JADE2: variants seen among roughly 807,000 people sequenced by gnomAD.
JADE2 encodes E3 ubiquitin-protein ligase Jade-2.
A neutral mutation model predicts 85.7 loss-of-function variants in JADE2; 13 were observed. The ratio of observed to expected loss-of-function variants is 0.15; its 90% CI spans 0.10 to 0.24. JADE2 has a LOEUF of 0.24. Ranked by LOEUF, JADE2 falls within the 10% of genes least tolerant of loss-of-function variation. The pLI is 1.00. For synonymous variants in JADE2, 440 were observed against 456.1 expected, an observed-to-expected ratio of 0.96 and a Z score of 0.45; for missense variants, 846 against 1,115.9, an observed-to-expected ratio of 0.76 and a Z score of 3.45.
chr5:134,532,330 G>A (rs1761297706), intron 1 of JADE2, among the ~76,000 whole-genome samples: 1 of 152,258 alleles, frequency 6.6e-6, no homozygotes, highest in Admixed American at 6.5e-5. Flanking sequence ...GGAAGAAAGT[G>A]GGTGTGTTCT....
rs763319586 is a variant in JADE2 at position 134,564,540 on chromosome 5, C to T, written c.899C>T (p.Ser300Leu). Residue 300 changes from serine to leucine, a missense_variant, in exon 8 of 12, where the codon TCG becomes TTG. Transcript: ENST00000681547. ...AAGATGGAGCCCATCACCAAGATCTCGCATATCCCAGCCAGCCGCTGGGCT... is the reference window on the plus strand; with the variant it reads ...AAGATGGAGCCCATCACCAAGATCTTGCATATCCCAGCCAGCCGCTGGGCT... ...PEKMEPITKI[S>L]HIPASRWALS... The T allele has an allele frequency of 6.3e-7, 1 of 1,584,262 alleles. No individual in the cohort carries two copies. Among genetic ancestry groups the T allele is most frequent in the Non-Finnish European group, 8.6e-7 (1 of 1,165,340 alleles).
chr5:134,565,989 A>T, intron 8 of JADE2, 127 bp from the exon 9 acceptor site: 2 of 794,576 alleles, frequency 2.5e-6, no homozygotes, highest in Non-Finnish European at 2.0e-6. Context: ...TTGGGAGCCC[A>T]TGCCATTCTG....
At chr5:134,553,640 C>T (rs1010278169) in intron 4 of JADE2, among the ~76,000 whole-genome samples, 2 of 152,264 alleles carry the variant, frequency 1.3e-5, no homozygotes, top group Non-Finnish European at 2.9e-5. Flanking sequence ...GCGTGAGCCA[C>T]TGCGCCCGGC....
Position 134,559,957 on chromosome 5 carries a change from C to A in JADE2, c.439C>A (p.Leu147Met), listed in dbSNP as rs114147622. ...YDLDEIDAYWLELINSELKEM... is the reference protein window; with the variant it reads ...YDLDEIDAYWMELINSELKEM... Reference sequence around the variant, plus strand: ...CTTGGACGAGATTGATGCCTACTGGCTGGAGCTCATCAACTCGGAGCTTAA... The same window carrying A: ...CTTGGACGAGATTGATGCCTACTGGATGGAGCTCATCAACTCGGAGCTTAA... The change falls in exon 5 of 12, where the codon CTG becomes ATG. Residue 147 changes from leucine (L) to methionine (M), a missense_variant. Leu to Met is a conservative substitution (Grantham distance 15, BLOSUM62 2). This residue lies in a region of JADE2 where 78 missense variants were observed against 64.9 expected (regional missense o/e 1.20). Coordinates refer to ENST00000681547, the MANE Select transcript of JADE2 (RefSeq NM_001388185.1). 6.2e-7 allele frequency: 1 copy of A among 1,614,144 alleles called. No individual in the cohort carries two copies. Among genetic ancestry groups the A allele is most frequent in the African/African-American group, 1.3e-5 (1 of 75,066 alleles).
At chr5:134,548,749 C>T (rs1337328173) in intron 3 of JADE2, among the ~76,000 whole-genome samples, 1 of 152,102 alleles carries the variant, frequency 6.6e-6, no homozygotes, top group Non-Finnish European at 1.5e-5. Flanking sequence ...GGGTCTGGAC[C>T]ACATCTTACC....
chr5:134,525,863 C>G lies in JADE2; in HGVS notation c.-149C>G. 1.0e-6 allele frequency: 1 copy of G among 989,346 alleles called. No individual in the cohort carries two copies. The allele number at this position is 989,346 out of a possible 1,614,324, so 61.3% of individuals were successfully genotyped here. A position where few individuals can be genotyped will look rare whatever the true frequency, so the allele number is the denominator to read the frequency against. ...GGGACGCCGCGGGCCCGGCCGCCTC[C>G]CTCGCCGCGACCCCGGATGGATGCG... On this transcript the variant is annotated 5_prime_UTR_variant, in exon 1 of 12. Transcript: ENST00000681547.
Position 134,562,484 on chromosome 5 carries a change from T to G in JADE2, c.852+117T>G, listed in dbSNP as rs937101448. 6.4e-6 allele frequency: 7 copies of G among 1,101,252 alleles called. No homozygotes were observed. In the Admixed American group the frequency reaches 8.0e-5, roughly 13 times the overall value. The allele number at this position is 1,101,252 out of a possible 1,614,324, so 68.2% of individuals were successfully genotyped here. The stretch of plus-strand genomic sequence containing the variant: ...AGGTGATGGACTCGCACTAAAACAC[T>G]GAGATCGGCCGGGCGCGGTGGCTCA... On this transcript the variant is annotated intron_variant, in intron 7 of 11. Coordinates refer to ENST00000681547, the MANE Select transcript of JADE2 (RefSeq NM_001388185.1). The surrounding 1 kb of genome is among the most constrained non-coding windows in gnomAD (Gnocchi z 4.6).
In JADE2 at chr5:134,562,219, A is replaced by G. The variant is rs1016855153; in HGVS notation, c.704A>G (p.Lys235Arg). The G allele has an allele frequency of 2.5e-6, 4 of 1,612,758 alleles. No homozygotes were observed. The highest frequency in any genetic ancestry group is 1.3e-5 in the African/African-American group (1 of 75,022). ...TCCTAGGCATGCTACGGGATCCTCA[A>G]GGTGCCCACGGGCAGCTGGCTGTGC... ...CVHQACYGIL[K>R]VPTGSWLCRT... is the part of the protein sequence containing the mutation. The change falls in exon 7 of 12, where the codon AAG (lysine) becomes AGG (arginine). Residue 235 changes from lysine to arginine, a missense_variant. By Grantham distance (26) the Lys-to-Arg change is conservative (BLOSUM62 2). This residue lies in a region of JADE2 where 129 missense variants were observed against 255.4 expected (regional missense o/e 0.51). Transcript: ENST00000681547. This position sits in a 1 kb window ranked among gnomAD's most constrained non-coding sequence, Gnocchi z 4.6.
At chr5:134,526,432 G>C in intron 1 of JADE2, 3 of 985,378 alleles carry the variant, frequency 3.0e-6, no homozygotes, top group Non-Finnish European at 3.6e-6. Flanking sequence ...AGATGGGTAC[G>C]GTGGGGAGGT....
Position 134,559,847 on chromosome 5 carries a change from A to T in JADE2, c.329A>T (p.Glu110Val). The change falls in exon 5 of 12, where the codon GAA becomes GTA. Residue 110 changes from glutamate to valine, a missense_variant. Glu to Val is a moderately radical substitution (Grantham distance 121, BLOSUM62 -2). Around this residue, in one of 9 missense-constraint regions of JADE2, gnomAD observed 78 missense variants for 64.9 expected, o/e 1.20. Transcript: ENST00000681547. ...EPVVRILPPL[E>V]GPPAQASPSS... ...TTTTCTAGGATCCTCCCACCACTGG[A>T]AGGCCCCCCTGCCCAGGCATCCCCG... 6.2e-7 allele frequency: 1 copy of T among 1,610,328 alleles called. No homozygotes were observed. The highest frequency in any genetic ancestry group is 8.5e-7 in the Non-Finnish European group (1 of 1,178,462).
intron 7 of JADE2, among the ~76,000 whole-genome samples, chr5:134,563,061 C>T (rs1294257004): frequency 2.0e-5 from 3 of 151,648 alleles, no homozygotes; most frequent in Non-Finnish European, 4.4e-5. Flanking sequence ...AGCTGACCTT[C>T]AAAGAGAATC....
intron 1 of JADE2, chr5:134,526,748 A>C (rs1178691162): frequency 1.0e-5 from 10 of 985,254 alleles, no homozygotes; most frequent in African/African-American, 1.7e-5. Context: ...GGCGGGGGAC[A>C]CCCTTTCCAG....
intron 7 of JADE2, among the ~76,000 whole-genome samples, chr5:134,563,941 A>G (rs1014726456): frequency 6.6e-6 from 1 of 152,194 alleles, no homozygotes; most frequent in Non-Finnish European, 1.5e-5. Flanking sequence ...ACTTGGGCAT[A>G]GTTGTAGGGC....
intron 1 of JADE2, among the ~76,000 whole-genome samples, chr5:134,528,925 C>T (rs1273478955): frequency 6.6e-6 from 1 of 152,136 alleles, no homozygotes; most frequent in East Asian, 1.9e-4. Flanking sequence ...TAACAGTGGT[C>T]CAAGAGGTTG....
chr5:134,539,043 T>TTTTTTTTA (rs552925543), intron 3 of JADE2, among the ~76,000 whole-genome samples: 2 of 134,378 alleles, frequency 1.5e-5, no homozygotes, highest in Admixed American at 1.5e-4. Context: ...TTTATTTTTA[T>TTTTTTTTA]TTTATTTATT....
chr5:134,576,714 C>G, intron 10 of JADE2, 54 bp from the exon 11 acceptor site: 1 of 1,548,050 alleles, frequency 6.5e-7, no homozygotes, highest in Non-Finnish European at 8.7e-7. Context: ...TTGGTGCTGA[C>G]CGAGGCCACT....
At chr5:134,554,161 TCATAGGCA>T (rs1247313328) in intron 4 of JADE2, among the ~76,000 whole-genome samples, 1 of 152,128 alleles carries the variant, frequency 6.6e-6, no homozygotes, top group Non-Finnish European at 1.5e-5. Context: ...TCTGATTGGA[TCATAGGCA>T]CAGCAGACTC....
upstream of JADE2, among the ~76,000 whole-genome samples, chr5:134,524,739 C>T (rs1279306188): frequency 2.6e-5 from 4 of 152,308 alleles, no homozygotes; most frequent in African/African-American, 9.6e-5. Flanking sequence ...AATGGGGACC[C>T]TCTCTACGGA....
chr5:134,563,216 G>C (rs1455701384), intron 7 of JADE2, among the ~76,000 whole-genome samples: 1 of 151,968 alleles, frequency 6.6e-6, no homozygotes, highest in African/African-American at 2.4e-5. Context: ...TATTTGGGTG[G>C]CTGAGGCACG....
Sources: gnomAD v4.1 joint callset for allele counts (sites outside exome capture counted in the v4.1 genomes callset) on GRCh38, gnomAD v4.1.1 for gene constraint, gnomAD v4.1.1 regional missense constraint, Gnocchi (gnomAD v3.1) non-coding constraint, MANE v1.5 for transcripts, NCBI Gene and HGNC (gene_info 2026-07-23, HGNC 2026-07-21) for gene names.